ABCA8: variants seen among roughly 807,000 people sequenced by gnomAD.
ABCA8 encodes the protein ABC-type organic anion transporter ABCA8.
A neutral mutation model predicts 192.3 loss-of-function variants in ABCA8; 177 were observed. The ratio of observed to expected loss-of-function variants is 0.92; its 90% CI spans 0.81 to 1.04. The LOEUF (loss-of-function observed/expected upper bound fraction) is 1.04. ABCA8 is among the 50% of genes least tolerant of loss of function. The pLI is 0.00. For synonymous variants in ABCA8, 642 were observed against 690.2 expected, an observed-to-expected ratio of 0.93 and a Z score of 1.09; for missense variants, 1,915 against 1,904.8, an observed-to-expected ratio of 1.01 and a Z score of -0.10.
chr17:68,929,625 T>C lies in ABCA8; in HGVS notation c.875A>G (p.Gln292Arg). ...CATGAAGCCAGACAAAATGATAAAC[T>C]GGGTAGATCTTATAACAAGTGCCAA... ...LFLALVIRSTQFIILSGFMVV... is the reference protein window; with the variant it reads ...LFLALVIRSTRFIILSGFMVV... The change falls in exon 8 of 40, where the codon CAG becomes CGG. Residue 292 changes from glutamine (Q) to arginine (R), a missense_variant. Transcript: ENST00000586539. 1 of 1,613,576 alleles carries C rather than the reference T, an allele frequency of 6.2e-7. No individual in the cohort carries two copies. Among genetic ancestry groups the C allele is most frequent in the South Asian group, 1.1e-5 (1 of 91,048 alleles).
chr17:68,895,145 A>C (rs2066714700), intron 21 of ABCA8, 132 bp from the exon 22 acceptor site: 2 of 570,634 alleles, frequency 3.5e-6, no homozygotes, highest in African/African-American at 3.9e-5. Flanking sequence ...TACATAACAT[A>C]CATAACATCT....
In ABCA8 at chr17:68,918,002, C is replaced by T. The variant is rs201332093; in HGVS notation, c.2047+45G>A. Reference sequence around the variant, plus strand: ...CAGAGACCAATCCATATTTTTAGATCTCTTAAAGTCCTCCTCAGGATACTT... The same window carrying T: ...CAGAGACCAATCCATATTTTTAGATTTCTTAAAGTCCTCCTCAGGATACTT... On this transcript the variant is annotated intron_variant, in intron 16 of 39. Transcript: ENST00000586539. 4 of 1,603,264 alleles carry T rather than the reference C, an allele frequency of 2.5e-6. No homozygotes were observed. The East Asian group carries it at 6.7e-5, about 27-fold the overall frequency.
intron 4 of ABCA8, among the ~76,000 whole-genome samples, chr17:68,940,113 G>T (rs2068184074): frequency 6.6e-6 from 1 of 152,026 alleles, no homozygotes; most frequent in African/African-American, 2.4e-5. Flanking sequence ...TTGTAAAAAT[G>T]ATTGTTATAA....
At chr17:68,933,316 T>C in intron 5 of ABCA8, 45 bp from the exon 6 acceptor site, 1 of 1,244,110 alleles carries the variant, frequency 8.0e-7, no homozygotes, top group Non-Finnish European at 1.2e-6. Flanking sequence ...TCACTATCTA[T>C]ATTATTGAAA....
intron 21 of ABCA8, among the ~76,000 whole-genome samples, chr17:68,897,037 G>C (rs1326261044): frequency 6.6e-6 from 1 of 152,168 alleles, no homozygotes; most frequent in Non-Finnish European, 1.5e-5. Flanking sequence ...TACTATCTGT[G>C]GTTTCAGGCA....
chr17:68,907,644 T>C (rs1170551800), intron 18 of ABCA8, 96 bp downstream of exon 18: 7 of 1,137,982 alleles, frequency 6.2e-6, no homozygotes, highest in Middle Eastern at 3.0e-4. Context: ...CTGAGCATAC[T>C]GTAAGACATT....
rs114235091 is a variant in ABCA8, at chr17:68,891,360, A to G, written c.3144+129T>C. On this transcript the variant is annotated intron_variant, in intron 24 of 39. Transcript: ENST00000586539. Reference sequence around the variant, plus strand: ...ACTTATAAAACTTTCTTTCATTTTTATAACTTAGAATTTATGTCTGAATTG... The same window carrying G: ...ACTTATAAAACTTTCTTTCATTTTTGTAACTTAGAATTTATGTCTGAATTG... The G allele has an allele frequency of 4.0e-3, 2,335 of 584,706 alleles. 39 individuals are homozygous for G. The highest frequency in any genetic ancestry group is 0.028 in the African/African-American group (1,498 of 53,156). 36.2% of individuals were successfully genotyped at this position (584,706 alleles called of 1,614,324 possible). A position where few individuals can be genotyped will look rare whatever the true frequency, so the allele number is the denominator to read the frequency against.
At position 68,918,072 on chromosome 17, in the gene ABCA8, G is replaced by A. The variant is rs772033205; in HGVS notation, c.2022C>T (p.Phe674=). The A allele has an allele frequency of 6.2e-7, 1 of 1,614,038 alleles. No homozygotes were observed. Among genetic ancestry groups the A allele is most frequent in the Non-Finnish European group, 8.5e-7 (1 of 1,180,034 alleles). Residue 674 remains phenylalanine, a synonymous_variant, in exon 16 of 40, where the codon TTC becomes TTT. Transcript: ENST00000586539. The part of the protein sequence containing the change: ...TDRVILFSTQ[F]MDEADILADR... ...CCGCCAGGATGTCGGCCTCATCCAT[G>A]AACTGGGTACTGAAGAGGATCACGC...
chr17:68,882,598 C>A lies in ABCA8; in HGVS notation c.3828+1G>T, dbSNP rs1446686441. 5.0e-6 allele frequency: 8 copies of A among 1,610,378 alleles called. No homozygotes were observed. The highest frequency in any genetic ancestry group is 5.1e-6 in the Non-Finnish European group (6 of 1,178,516). On this transcript the variant is annotated splice_donor_variant, in intron 30 of 39. Coordinates refer to ENST00000586539, the MANE Select transcript of ABCA8 (RefSeq NM_001288985.2). LOFTEE classifies it high-confidence loss of function. ...AAAAAAACCTTTGTGTTATGTTTTA[C>A]CTCATCAAAATTAGTAGAATTCAAG... is the stretch of plus-strand genomic sequence containing the variant.
chr17:68,874,183 G>A (rs1266160638), intron 37 of ABCA8, among the ~76,000 whole-genome samples: 1 of 152,126 alleles, frequency 6.6e-6, no homozygotes, highest in African/African-American at 2.4e-5. Flanking sequence ...TTTTCTAACT[G>A]AATACTTGAT....
rs540375630 is a variant in ABCA8 at position 68,897,707 on chromosome 17, T to C, written c.2765-2694A>G. On this transcript the variant is annotated intron_variant, in intron 21 of 39. Transcript: ENST00000586539. The stretch of plus-strand genomic sequence containing the variant: ...AGAAATTCTGGAGTTGAAAGTACAA[T>C]AATTGAAATGAAAAATTCACTGAAG... Among the ~76,000 whole-genome samples, 9 of 152,226 alleles carry C rather than the reference T, an allele frequency of 5.9e-5. No homozygotes were observed. The South Asian group carries it at 1.7e-3, about 28-fold the overall frequency.
chr17:68,876,778 G>GAACCCA, intron 33 of ABCA8, 75 bp from the exon 34 acceptor site: 3 of 1,582,276 alleles, frequency 1.9e-6, no homozygotes, highest in Non-Finnish European at 1.7e-6. Flanking sequence ...AGCAAGGGTG[G>GAACCCA]AGAAGCAGAA....
chr17:68,919,559 CT>C, intron 13 of ABCA8, 83 bp from the exon 14 acceptor site: 1 of 1,218,092 alleles, frequency 8.2e-7, no homozygotes, highest in Non-Finnish European at 1.1e-6. Flanking sequence ...GTACGTATGA[CT>C]TTATCTTGAC....
At chr17:68,924,314 C>G (rs1266901601) in intron 11 of ABCA8, among the ~76,000 whole-genome samples, 1 of 149,138 alleles carries the variant, frequency 6.7e-6, no homozygotes, top group Middle Eastern at 3.2e-3. Context: ...CCATTGCACT[C>G]CAGCCTGGGC....
chr17:68,928,129 T>C (rs1237604073), intron 9 of ABCA8, 66 bp from the exon 10 acceptor site: 1 of 1,327,244 alleles, frequency 7.5e-7, no homozygotes, highest in Admixed American at 2.4e-5. Flanking sequence ...CAGTTAGGTT[T>C]AGCATAGTAA....
chr17:68,872,787 A>C (rs2066098062), intron 37 of ABCA8, among the ~76,000 whole-genome samples: 2 of 151,966 alleles, frequency 1.3e-5, no homozygotes, highest in Non-Finnish European at 2.9e-5. Flanking sequence ...TTTTAATAAA[A>C]AATGTTAAGT....
intron 1 of ABCA8, among the ~76,000 whole-genome samples, chr17:68,953,859 T>G (rs140583124): frequency 9.4e-4 from 143 of 152,188 alleles, no homozygotes; most frequent in African/African-American, 3.2e-3. Context: ...ACTTCTCCTC[T>G]CTGGTTACTG....
At position 68,902,580 on chromosome 17, in the gene ABCA8, T is replaced by A. The variant is rs2066942007; in HGVS notation, c.2764+133A>T. On this transcript the variant is annotated intron_variant, in intron 21 of 39. Transcript: ENST00000586539. Reference sequence around the variant, plus strand: ...CTTCTTTGGGGGCCTGTATTTATTATCTTTAAGTTTCATAAATTGTTTTTT... The same window carrying A: ...CTTCTTTGGGGGCCTGTATTTATTAACTTTAAGTTTCATAAATTGTTTTTT... 9 of 686,228 alleles carry A rather than the reference T, an allele frequency of 1.3e-5. No individual in the cohort carries two copies. In the East Asian group the frequency reaches 2.7e-4, roughly 20 times the overall value. 42.5% of individuals were successfully genotyped at this position (686,228 alleles called of 1,614,324 possible).
intron 10 of ABCA8, 141 bp downstream of exon 10, chr17:68,927,775 A>T (rs1598272447): frequency 5.1e-6 from 3 of 586,326 alleles, no homozygotes. Context: ...TAATTTGGCC[A>T]GTAGCGACGA....
Sources: gnomAD v4.1 joint callset for allele counts (sites outside exome capture counted in the v4.1 genomes callset) on GRCh38, gnomAD v4.1.1 for gene constraint, MANE v1.5 for transcripts, NCBI Gene and HGNC (gene_info 2026-07-23, HGNC 2026-07-21) for gene names.